APLP2: variants seen among roughly 807,000 people sequenced by gnomAD.
APLP2 encodes amyloid beta precursor like protein 2.
APLP2 carries 53 observed loss-of-function variants against 89.9 expected under a neutral mutation model. The observed-to-expected ratio is 0.59, with a 90% CI of 0.47 to 0.74. The LOEUF is 0.74. Ranked by LOEUF, APLP2 falls within the 30% of genes least tolerant of loss-of-function variation. The pLI, the probability that APLP2 is intolerant of heterozygous loss-of-function variation, is 0.00. For missense variants in APLP2, 973 were observed against 975.9 expected (o/e 1.00, Z 0.04); for synonymous variants, 372 against 348.6 (o/e 1.07, Z -0.75).
chr11:130,092,593 C>A (rs1465835618), intron 1 of APLP2, among the ~76,000 whole-genome samples: 1 of 148,412 alleles, frequency 6.7e-6, no homozygotes, highest in South Asian at 2.1e-4. Context: ...TGCCTGCAAT[C>A]GCAGGCATTG....
chr11:130,089,182 C>T (rs1271652317), intron 1 of APLP2, among the ~76,000 whole-genome samples: 2 of 152,190 alleles, frequency 1.3e-5, no homozygotes, highest in African/African-American at 4.8e-5. Context: ...TCTCATCTGT[C>T]ACTTTCCTAT....
intron 4 of APLP2, 127 bp downstream of exon 4, chr11:130,120,945 A>G (rs1188816484): frequency 5.7e-6 from 4 of 699,390 alleles, no homozygotes; most frequent in East Asian, 2.7e-5. Flanking sequence ...AAGGTTTACA[A>G]TTACTTCTGT....
At chr11:130,122,191 C>G in intron 5 of APLP2, 114 bp from the exon 6 acceptor site, 1 of 1,253,712 alleles carries the variant, frequency 8.0e-7, no homozygotes, top group East Asian at 2.3e-5. Context: ...GTGAAATGTG[C>G]GTTGAGCTTA....
rs781487644 is a variant in APLP2, at chr11:130,141,454, G to A, written c.1924-44G>A. The stretch of plus-strand genomic sequence containing the variant: ...GGAGGCAGTAAATACCAAACTCCCC[G>A]TTCACCCAGTTGCTTGCTGCCGACA... On this transcript the variant is annotated intron_variant, in intron 14 of 16. Transcript: ENST00000338167. The surrounding 1 kb of genome is among the most constrained non-coding windows in gnomAD (Gnocchi z 4.2). The A allele has an allele frequency of 7.8e-6, 12 of 1,530,232 alleles. No individual in the cohort carries two copies. Among genetic ancestry groups the A allele is most frequent in the South Asian group, 4.5e-5 (4 of 89,272 alleles). 94.8% of individuals were successfully genotyped at this position (1,530,232 alleles called of 1,614,324 possible).
chr11:130,123,818 G>A lies in APLP2; in HGVS notation c.1090+39G>A, dbSNP rs372558282. 116 of 1,600,612 alleles carry A rather than the reference G, an allele frequency of 7.2e-5. No homozygotes were observed. The highest frequency in any genetic ancestry group is 9.6e-5 in the Non-Finnish European group (112 of 1,171,536). On this transcript the variant is annotated intron_variant, in intron 7 of 16. Transcript: ENST00000338167. The surrounding 1 kb of genome is among the most constrained non-coding windows in gnomAD (Gnocchi z 4.0). ...CGCGCTGGTCCCGTGCGGCAGCACC[G>A]TCCTGTCTGGCGTCCGTCTCCCTGC...
At chr11:130,076,475 G>A (rs188470497) in intron 1 of APLP2, among the ~76,000 whole-genome samples, 17 of 152,260 alleles carry the variant, frequency 1.1e-4, no homozygotes, top group African/African-American at 3.6e-4. Flanking sequence ...AAGAAGTTAC[G>A]GTTCCCTGTA....
rs553962550 is a variant in APLP2, at chr11:130,083,026, C to CTTTTTTTTTTTTTTTTTTTTTTT, written c.105+12949_105+12971dup. On this transcript the variant is annotated intron_variant, in intron 1 of 16. Transcript: ENST00000338167. ...TATTAACCACTGAAACTTTTCTTTT[C>CTTTTTTTTTTTTTTTTTTTTTTT]TTTTTTTTTTTTTTTTTTTTTTTTT... Among the ~76,000 whole-genome samples the CTTTTTTTTTTTTTTTTTTTTTTT allele has an allele frequency of 6.5e-4, 47 of 72,520 alleles. 6 individuals are homozygous for CTTTTTTTTTTTTTTTTTTTTTTT. The highest frequency in any genetic ancestry group is 2.6e-3 in the African/African-American group (42 of 15,890). 47.6% of individuals were successfully genotyped at this position (72,520 alleles called of 152,430 possible). A position where few individuals can be genotyped will look rare whatever the true frequency, so the allele number is the denominator to read the frequency against.
intron 1 of APLP2, among the ~76,000 whole-genome samples, chr11:130,075,122 TTTC>T (rs1387926818): frequency 1.3e-5 from 2 of 152,208 alleles, no homozygotes; most frequent in African/African-American, 4.8e-5. Context: ...TGAGGGAATT[TTTC>T]TTACCTAAGC....
intron 1 of APLP2, among the ~76,000 whole-genome samples, chr11:130,104,201 C>T (rs1328560545): frequency 7.5e-6 from 1 of 133,106 alleles, no homozygotes; most frequent in Non-Finnish European, 1.6e-5. Context: ...ACTTTTGGTA[C>T]ACATCTTTTT....
intron 14 of APLP2, chr11:130,140,909 C>CTTTTTTTTTTTTTTTTTTT (rs5795689): frequency 7.3e-6 from 1 of 136,774 alleles, no homozygotes; most frequent in Non-Finnish European, 1.6e-5. Context: ...TTCAATGTGG[C>CTTTTTTTTTTTTTTTTTTT]TTTTTTTTTT....
intron 3 of APLP2, among the ~76,000 whole-genome samples, chr11:130,118,025 T>G (rs1949397940): frequency 6.7e-6 from 1 of 148,204 alleles, no homozygotes; most frequent in African/African-American, 2.5e-5. Flanking sequence ...TGTAGTGAGC[T>G]GAGATTGCGC....
Position 130,126,751 on chromosome 11 carries a change from C to T in APLP2, c.1142C>T (p.Ser381Phe). ...TNDVDVYFET[S>F]ADDNEHARFQ... Reference sequence around the variant, plus strand: ...GATGTTGATGTGTATTTCGAGACCTCTGCAGATGATAATGAGCATGCTCGC... The same window carrying T: ...GATGTTGATGTGTATTTCGAGACCTTTGCAGATGATAATGAGCATGCTCGC... The change falls in exon 8 of 17, where the codon TCT becomes TTT. Residue 381 changes from serine (S) to phenylalanine (F), a missense_variant. By Grantham distance (155) the Ser-to-Phe change is radical. Coordinates refer to ENST00000338167, the MANE Select transcript of APLP2 (RefSeq NM_001142276.2). The T allele has an allele frequency of 5.0e-6, 8 of 1,614,212 alleles. No individual in the cohort carries two copies. The highest frequency in any genetic ancestry group is 6.8e-6 in the Non-Finnish European group (8 of 1,180,038).
intron 1 of APLP2, among the ~76,000 whole-genome samples, chr11:130,081,209 C>T (rs1012056286): frequency 3.3e-5 from 5 of 151,882 alleles, no homozygotes; most frequent in African/African-American, 1.2e-4. Context: ...TATTTTGTAA[C>T]GTGTATAGCT....
intron 7 of APLP2, among the ~76,000 whole-genome samples, chr11:130,125,047 C>T (rs977670975): frequency 1.3e-5 from 2 of 152,148 alleles, no homozygotes; most frequent in East Asian, 3.8e-4. Flanking sequence ...AGATTTGCCT[C>T]GGAGAAGCTT....
intron 3 of APLP2, 43 bp downstream of exon 3, chr11:130,110,704 C>G: frequency 6.4e-7 from 1 of 1,556,728 alleles, no homozygotes; most frequent in Non-Finnish European, 8.7e-7. Context: ...CAGCCCCCTC[C>G]CATTTTAAAT....
intron 11 of APLP2, 34 bp from the exon 12 acceptor site, chr11:130,133,595 T>C (rs1237609085): frequency 6.4e-7 from 1 of 1,556,504 alleles, no homozygotes; most frequent in African/African-American, 1.4e-5. Context: ...TTGTTTTCAG[T>C]CACAACACCT....
chr11:130,101,781 C>T (rs1946962963), intron 1 of APLP2: 1 of 327,652 alleles, frequency 3.1e-6, no homozygotes, highest in Non-Finnish European at 6.0e-6. Context: ...TGATCAAAAC[C>T]AGGAGGTTTG....
At chr11:130,092,546 C>T (rs1294460770) in intron 1 of APLP2, among the ~76,000 whole-genome samples, 1 of 146,896 alleles carries the variant, frequency 6.8e-6, no homozygotes, top group Non-Finnish European at 1.5e-5. Flanking sequence ...ACAGCGAAAC[C>T]CCGTCTCCAC....
intron 10 of APLP2, 141 bp from the exon 11 acceptor site, chr11:130,129,897 A>G (rs1230497401): frequency 4.2e-6 from 4 of 962,842 alleles, no homozygotes; most frequent in Non-Finnish European, 6.2e-6. Context: ...TTGGTAAGCT[A>G]AAAAAGCCTT....
Sources: gnomAD v4.1 joint callset for allele counts (sites outside exome capture counted in the v4.1 genomes callset) on GRCh38, gnomAD v4.1.1 for gene constraint, Gnocchi (gnomAD v3.1) non-coding constraint, MANE v1.5 for transcripts, NCBI Gene and HGNC (gene_info 2026-07-23, HGNC 2026-07-21) for gene names.